Variants in KLHL20 observed in about 807,000 individuals in gnomAD.
KLHL20 encodes the protein kelch like family member 20, also known as kelch-like protein 20.
In KLHL20, 29 loss-of-function variants were observed where a neutral mutation model predicts 69.5. The ratio of observed to expected loss-of-function variants is 0.42; its 90% CI spans 0.31 to 0.57. The LOEUF (loss-of-function observed/expected upper bound fraction) is 0.57. Among genes scored for constraint, KLHL20 ranks in the 20% least tolerant of loss-of-function variants. The pLI, the probability that KLHL20 is intolerant of heterozygous loss-of-function variation, is 0.18. For synonymous variants in KLHL20, 253 were observed against 265.2 expected (o/e 0.95, Z 0.45); for missense variants, 419 against 776.0 (o/e 0.54, Z 5.47).
At chr1:173,734,325 G>A (rs1342439645) in intron 3 of KLHL20, 39 bp downstream of exon 3, 4 of 1,562,618 alleles carry the variant, frequency 2.6e-6, no homozygotes, top group Non-Finnish European at 3.5e-6. Context: ...CCATTTGTTG[G>A]AGAGCAATAT....
intron 2 of KLHL20, 109 bp from the exon 3 acceptor site, chr1:173,733,604 T>A: frequency 1.0e-6 from 1 of 990,396 alleles, no homozygotes; most frequent in Non-Finnish European, 1.5e-6. Context: ...AAAAAAAAAA[T>A]CACCAAGCTA....
At chr1:173,725,820 C>T (rs1304955201) in intron 2 of KLHL20, among the ~76,000 whole-genome samples, 2 of 152,188 alleles carry the variant, frequency 1.3e-5, no homozygotes, top group Non-Finnish European at 2.9e-5. Flanking sequence ...CCAGCATGAG[C>T]GATGCAGAAG....
chr1:173,752,212 G>A (rs1412383629), intron 4 of KLHL20, among the ~76,000 whole-genome samples: 1 of 150,372 alleles, frequency 6.7e-6, no homozygotes, highest in East Asian at 2.0e-4. Flanking sequence ...TTCCAGCCTG[G>A]CGACAGAGCG....
chr1:173,771,467 G>C (rs1424033897), intron 8 of KLHL20, among the ~76,000 whole-genome samples: 1 of 152,070 alleles, frequency 6.6e-6, no homozygotes. Context: ...AAGATTAAAA[G>C]GGGGAGGGCT....
At chr1:173,739,427 C>CT (rs202229872) in intron 3 of KLHL20, among the ~76,000 whole-genome samples, 2 of 150,944 alleles carry the variant, frequency 1.3e-5, no homozygotes, top group Admixed American at 6.6e-5. Flanking sequence ...TGGTCCTGGA[C>CT]TTTTTTTTTG....
chr1:173,756,126 T>G, intron 6 of KLHL20, 88 bp downstream of exon 6: 1 of 887,864 alleles, frequency 1.1e-6, no homozygotes, highest in Non-Finnish European at 1.8e-6. Flanking sequence ...AATTATGATA[T>G]TTACTGTCAT....
chr1:173,719,871 T>C (rs1036913871), intron 2 of KLHL20, among the ~76,000 whole-genome samples: 5 of 152,228 alleles, frequency 3.3e-5, no homozygotes, highest in African/African-American at 7.2e-5. Context: ...ATTGTAGAAA[T>C]TGGTTTATTC....
chr1:173,763,866 T>TAAAAAAA (rs60028962), intron 7 of KLHL20, among the ~76,000 whole-genome samples: 2 of 119,544 alleles, frequency 1.7e-5, no homozygotes, highest in African/African-American at 5.9e-5. Context: ...GCAAATGCAA[T>TAAAAAAA]AAAAAAAAAA....
chr1:173,736,593 CTTTT>C (rs879443836), intron 3 of KLHL20, among the ~76,000 whole-genome samples: 1 of 143,698 alleles, frequency 7.0e-6, no homozygotes, highest in Non-Finnish European at 1.5e-5. Context: ...ATGCCAACAT[CTTTT>C]TTTTTTTTTT....
At chr1:173,746,868 T>C (rs948800990) in intron 3 of KLHL20, among the ~76,000 whole-genome samples, 1 of 152,016 alleles carries the variant, frequency 6.6e-6, no homozygotes, top group African/African-American at 2.4e-5. Flanking sequence ...TTAAAGCTAT[T>C]CTTCTCGGAT....
chr1:173,732,895 A>C (rs1672351957), intron 2 of KLHL20, among the ~76,000 whole-genome samples: 1 of 152,138 alleles, frequency 6.6e-6, no homozygotes, highest in Admixed American at 6.6e-5. Context: ...AATCTAACAA[A>C]ATCTTGACCT....
intron 2 of KLHL20, among the ~76,000 whole-genome samples, chr1:173,718,795 T>C (rs1671579835): frequency 6.6e-6 from 1 of 152,160 alleles, no homozygotes; most frequent in Non-Finnish European, 1.5e-5. Context: ...TTCTTCTGTA[T>C]CTTTATTCAC....
rs184934726 is a variant in KLHL20 at position 173,778,520 on chromosome 1, G to A, written c.1638+2678G>A. Among the ~76,000 whole-genome samples, 174 of 150,684 alleles carry A rather than the reference G, an allele frequency of 1.2e-3. 4 individuals carry two copies. In the East Asian group the frequency reaches 0.021, roughly 18 times the overall value. Reference sequence around the variant, plus strand: ...ATTTTTGTTTTTTGTTTTTTTTTTGGTAGAGTTGGGGTTTTGCCATGTTGC... The same window carrying A: ...ATTTTTGTTTTTTGTTTTTTTTTTGATAGAGTTGGGGTTTTGCCATGTTGC... On this transcript the variant is annotated intron_variant, in intron 10 of 11. Transcript: ENST00000209884.
chr1:173,760,817 C>T (rs1647241781), intron 7 of KLHL20, among the ~76,000 whole-genome samples: 1 of 152,022 alleles, frequency 6.6e-6, no homozygotes, highest in Middle Eastern at 3.2e-3. Context: ...AGTTAAAAAG[C>T]AAAAACACAA....
intron 3 of KLHL20, among the ~76,000 whole-genome samples, chr1:173,751,417 A>G (rs1305910193): frequency 1.3e-5 from 2 of 152,178 alleles, no homozygotes; most frequent in Non-Finnish European, 1.5e-5. Context: ...TTCAGCAACT[A>G]ATCTTCTGCA....
intron 2 of KLHL20, among the ~76,000 whole-genome samples, chr1:173,726,449 T>A (rs998349741): frequency 1.3e-5 from 2 of 152,090 alleles, no homozygotes; most frequent in Non-Finnish European, 2.9e-5. Context: ...ACAGACTGCC[T>A]CCTCAAGTGG....
intron 2 of KLHL20, among the ~76,000 whole-genome samples, chr1:173,728,372 T>A (rs1343226659): frequency 6.6e-6 from 1 of 152,282 alleles, no homozygotes; most frequent in Non-Finnish European, 1.5e-5. Flanking sequence ...GGATTTGAAC[T>A]CAGCTCTGCA....
At position 173,732,041 on chromosome 1, in the gene KLHL20, C is replaced by A. The variant is rs192734066; in HGVS notation, c.24-1672C>A. On this transcript the variant is annotated intron_variant, in intron 2 of 11. Coordinates refer to ENST00000209884, the MANE Select transcript of KLHL20 (RefSeq NM_014458.4). ...TGAAACCCCGTCTCTACTAAAAATA[C>A]GAAAAATTAGCCAGACATGGTGGCA... Among the ~76,000 whole-genome samples the A allele has an allele frequency of 3.7e-3, 556 of 151,746 alleles. 1 individual carries two copies. Among genetic ancestry groups the A allele is most frequent in the Non-Finnish European group, 5.3e-3 (359 of 67,880 alleles).
At chr1:173,763,631 G>C (rs182918715) in intron 7 of KLHL20, among the ~76,000 whole-genome samples, 8 of 151,840 alleles carry the variant, frequency 5.3e-5, no homozygotes, top group Non-Finnish European at 1.0e-4. Context: ...AAACATAAAG[G>C]GGGGCAAGAA....
Sources: allele counts gnomAD v4.1 joint callset (sites outside exome capture counted in the v4.1 genomes callset), GRCh38; gene constraint gnomAD v4.1.1; transcripts MANE v1.5; gene names NCBI Gene and HGNC (gene_info 2026-07-23, HGNC 2026-07-21).